The following TRIM33 variants were observed in gnomAD, a reference collection of about 807,000 sequenced individuals.
TRIM33 encodes E3 ubiquitin-protein ligase TRIM33.
TRIM33 carries 20 observed loss-of-function variants against 125.4 expected under a neutral mutation model. The observed-to-expected ratio is 0.16, with a 90% CI of 0.11 to 0.23. TRIM33 has a LOEUF of 0.23. Ranked by LOEUF, TRIM33 falls within the 10% of genes least tolerant of loss-of-function variation. The pLI, the probability that TRIM33 is intolerant of heterozygous loss-of-function variation, is 1.00. For synonymous variants in TRIM33, 564 were observed against 513.9 expected (o/e 1.10, Z -1.32); for missense variants, 920 against 1,411.4 (o/e 0.65, Z 5.58).
At chr1:114,404,202 T>C (rs1169340386) in intron 15 of TRIM33, 1 of 152,184 alleles carries the variant, frequency 6.6e-6, no homozygotes, top group Admixed American at 6.5e-5. Context: ...TGGTACAATC[T>C]CGGCTCATGG....
Position 114,410,194 on chromosome 1 carries a change from C to T in TRIM33, c.2184G>A (p.Pro728=), listed in dbSNP as rs371356294. 36 of 1,613,682 alleles carry T rather than the reference C, an allele frequency of 2.2e-5. No homozygotes were observed. Among genetic ancestry groups the T allele is most frequent in the Middle Eastern group, 1.6e-4 (1 of 6,082 alleles). ...ACCCGTTTGCTTTACCTGATGATCC[C>T]GGAGAAAGGGCAGAGGGACCTGGAG... is the stretch of plus-strand genomic sequence containing the variant. The part of the protein sequence containing the change: ...NPSPGPSALS[P]GSSGLSNSHT... Residue 728 remains proline, a synonymous_variant, in exon 12 of 20, where the codon CCG becomes CCA. Transcript: ENST00000358465.
At chr1:114,456,017 C>G (rs1046888346) in intron 4 of TRIM33, among the ~76,000 whole-genome samples, 2 of 152,180 alleles carry the variant, frequency 1.3e-5, no homozygotes, top group Admixed American at 1.3e-4. Flanking sequence ...GAAGTCCTAA[C>G]AGGTGTTAAG....
At position 114,424,595 on chromosome 1, in the gene TRIM33, C is replaced by T. The variant is rs1647433463; in HGVS notation, c.1856G>A (p.Arg619Lys). The T allele has an allele frequency of 2.5e-6, 4 of 1,576,284 alleles. No individual in the cohort carries two copies. The highest frequency in any genetic ancestry group is 3.4e-6 in the Non-Finnish European group (4 of 1,165,364). The change falls in exon 10 of 20, where the codon AGA (arginine) becomes AAA (lysine). Residue 619 changes from arginine (R) to lysine (K), a missense_variant. Physicochemically the swap from Arg to Lys is conservative, Grantham distance 26. Around this residue, in one of 8 missense-constraint regions of TRIM33, gnomAD observed 407 missense variants for 589.7 expected, o/e 0.69. Transcript: ENST00000358465. ...CAAATGTAACTCTAGGCATACTTGT[C>T]TTTGGAGGTGTGGCTGCATCATGGA... is the stretch of plus-strand genomic sequence containing the variant. ...QYSMMQPHLQRQHSNPGHAGP... is the reference protein window; with the variant it reads ...QYSMMQPHLQKQHSNPGHAGP...
At position 114,408,661 on chromosome 1, in the gene TRIM33, TTATC is replaced by T. The variant is rs760517885; in HGVS notation, c.2258+12_2258+15del. 5.0e-5 allele frequency: 78 copies of T among 1,545,938 alleles called. No individual in the cohort carries two copies. The highest frequency in any genetic ancestry group is 6.8e-5 in the Non-Finnish European group (77 of 1,135,410). The stretch of plus-strand genomic sequence containing the variant: ...TTCTTAACAAAAAGGAAAAAAATAA[TTATC>T]AATATACTCACCTGCCTCGACTGCC... On this transcript the variant is annotated intron_variant, in intron 13 of 19. Coordinates refer to ENST00000358465, the MANE Select transcript of TRIM33 (RefSeq NM_015906.4).
rs1651492884 is a variant in TRIM33 at position 114,395,460 on chromosome 1, T to A, written c.*2188A>T. 5.2e-6 allele frequency: 1 copy of A among 193,314 alleles called. No homozygotes were observed. The allele number at this position is 193,314 out of a possible 1,614,324, so 12.0% of individuals were successfully genotyped here. A position where few individuals can be genotyped will look rare whatever the true frequency, so the allele number is the denominator to read the frequency against. On this transcript the variant is annotated 3_prime_UTR_variant, in exon 20 of 20. Coordinates refer to ENST00000358465, the MANE Select transcript of TRIM33 (RefSeq NM_015906.4). The stretch of plus-strand genomic sequence containing the variant: ...TTGGCAGAATCTATTTATGACTCAT[T>A]ATCTACAATTTTTTTAAAAGGATCC...
chr1:114,469,009 G>C (rs1650479086), intron 1 of TRIM33: 1 of 225,632 alleles, frequency 4.4e-6, no homozygotes, highest in Non-Finnish European at 9.0e-6. Flanking sequence ...CAAACATCTT[G>C]CATTTTTGTT....
chr1:114,393,330 GCAGACATGCATTCCAT>G lies in TRIM33; in HGVS notation c.*4302_*4317del, dbSNP rs1651378136. The G allele has an allele frequency of 5.0e-6, 1 of 199,342 alleles. No homozygotes were observed. Among genetic ancestry groups the G allele is most frequent in the Non-Finnish European group, 1.0e-5 (1 of 96,602 alleles). 12.3% of individuals were successfully genotyped at this position (199,342 alleles called of 1,614,324 possible). A position where few individuals can be genotyped will look rare whatever the true frequency, so the allele number is the denominator to read the frequency against. ...ATGCCTACATTTTTCAGAACAAGGA[GCAGACATGCATTCCAT>G]CCTTAAGATTGAAATTTAGGCCACA... On this transcript the variant is annotated 3_prime_UTR_variant, in exon 20 of 20. Coordinates refer to ENST00000358465, the MANE Select transcript of TRIM33 (RefSeq NM_015906.4).
At chr1:114,491,731 G>A (rs1327711351) in intron 1 of TRIM33, among the ~76,000 whole-genome samples, 6 of 152,142 alleles carry the variant, frequency 3.9e-5, no homozygotes, top group Non-Finnish European at 8.8e-5. Context: ...TTGAGACCAG[G>A]AGGCAAAGGT....
intron 4 of TRIM33, among the ~76,000 whole-genome samples, chr1:114,436,504 C>T (rs964801867): frequency 3.3e-5 from 5 of 151,266 alleles, no homozygotes; most frequent in African/African-American, 1.2e-4. Context: ...CTCGCTCTGT[C>T]GTCCAGGCTG....
intron 2 of TRIM33, among the ~76,000 whole-genome samples, 165 bp downstream of exon 2, chr1:114,464,105 T>G (rs1650151377): frequency 6.6e-6 from 1 of 152,218 alleles, no homozygotes; most frequent in Non-Finnish European, 1.5e-5. Context: ...TTAGTCTCAT[T>G]TAACTAAGTT....
At chr1:114,479,620 A>G (rs980746529) in intron 1 of TRIM33, among the ~76,000 whole-genome samples, 1 of 152,250 alleles carries the variant, frequency 6.6e-6, no homozygotes, top group Non-Finnish European at 1.5e-5. Context: ...AATCTAAAGG[A>G]AGTCTGTCAG....
rs1375570773 is a variant in TRIM33 at position 114,433,675 on chromosome 1, C to G, written c.982G>C (p.Ala328Pro). 1 of 1,612,520 alleles carries G rather than the reference C, an allele frequency of 6.2e-7. No homozygotes were observed. The highest frequency in any genetic ancestry group is 1.7e-4 in the Middle Eastern group (1 of 6,052). Residue 328 changes from alanine (A) to proline (P), a missense_variant, in exon 5 of 20, where the codon GCG becomes CCG. Physicochemically the swap from Ala to Pro is conservative, Grantham distance 27. Around this residue, in one of 8 missense-constraint regions of TRIM33, gnomAD observed 50 missense variants for 110.8 expected, o/e 0.45. Transcript: ENST00000358465. ...NQKGAIENLLAKLLEKKNYVH... is the reference protein window; with the variant it reads ...NQKGAIENLLPKLLEKKNYVH... ...TAATTCTTCTTCTCAAGAAGTTTCG[C>G]CAGTAGATTCTCAATTGCACCCTTC...
chr1:114,410,395 C>CAGTTTATTAATAATCTGTT, intron 11 of TRIM33, 79 bp from the exon 12 acceptor site: 2 of 1,396,984 alleles, frequency 1.4e-6, no homozygotes, highest in South Asian at 1.3e-5. Flanking sequence ...TGCTTATACT[C>CAGTTTATTAATAATCTGTT]AGTTTATTAA....
Position 114,510,938 on chromosome 1 carries a change from C to T in TRIM33, c.139G>A (p.Glu47Lys). The change falls in exon 1 of 20, where the codon GAG (glutamate) becomes AAG (lysine). Residue 47 changes from glutamate (E) to lysine (K), a missense_variant. Physicochemically the swap from Glu to Lys is moderately conservative, Grantham distance 56 (BLOSUM62 1). Coordinates refer to ENST00000358465, the MANE Select transcript of TRIM33 (RefSeq NM_015906.4). The part of the protein sequence containing the change: ...PLTAVLVEEE[E>K]EEGGRAGAEG... ...GCGCCGGCCCTGCCGCCTTCCTCCTCCTCCTCCTCCACCAGCACCGCGGTG... is the reference window on the plus strand; with the variant it reads ...GCGCCGGCCCTGCCGCCTTCCTCCTTCTCCTCCTCCACCAGCACCGCGGTG... The T allele has an allele frequency of 7.0e-7, 1 of 1,420,832 alleles. No individual in the cohort carries two copies. Among genetic ancestry groups the T allele is most frequent in the South Asian group, 1.4e-5 (1 of 69,358 alleles). The allele number at this position is 1,420,832 out of a possible 1,614,324, so 88.0% of individuals were successfully genotyped here.
chr1:114,427,598 C>G, intron 7 of TRIM33, 150 bp downstream of exon 7: 2 of 731,208 alleles, frequency 2.7e-6, no homozygotes, highest in Non-Finnish European at 4.2e-6. Context: ...AATGAGGAAA[C>G]TTTGGGGGGT....
At chr1:114,497,463 A>AT (rs935212166) in intron 1 of TRIM33, among the ~76,000 whole-genome samples, 16 of 151,216 alleles carry the variant, frequency 1.1e-4, no homozygotes, top group Non-Finnish European at 1.6e-4. Flanking sequence ...CACCCAGCGA[A>AT]TTTTTTTTTG....
intron 1 of TRIM33, among the ~76,000 whole-genome samples, chr1:114,494,779 T>A (rs1652271872): frequency 6.6e-6 from 1 of 152,220 alleles, no homozygotes; most frequent in Non-Finnish European, 1.5e-5. Flanking sequence ...AATAAACTTT[T>A]AAAAATTATG....
chr1:114,483,005 C>T (rs984027534), intron 1 of TRIM33, among the ~76,000 whole-genome samples: 1 of 152,108 alleles, frequency 6.6e-6, no homozygotes, highest in African/African-American at 2.4e-5. Context: ...ACCACTAAAA[C>T]AAAATGGGTC....
At chr1:114,492,498 T>C (rs1652131376) in intron 1 of TRIM33, among the ~76,000 whole-genome samples, 2 of 152,102 alleles carry the variant, frequency 1.3e-5, no homozygotes, top group Admixed American at 6.6e-5. Flanking sequence ...AAACCTTTTA[T>C]CATCCCAAAC....
Sources: allele counts gnomAD v4.1 joint callset (sites outside exome capture counted in the v4.1 genomes callset), GRCh38; gene constraint gnomAD v4.1.1; regional missense constraint gnomAD v4.1.1; transcripts MANE v1.5; gene names NCBI Gene and HGNC (gene_info 2026-07-23, HGNC 2026-07-21).